Variants in NEGR1 observed in about 807,000 individuals in gnomAD.
NEGR1 encodes the protein neuronal growth regulator 1, also known as IgLON family member 4.
In NEGR1, 10 loss-of-function variants were observed where a neutral mutation model predicts 40.9. The observed-to-expected ratio is 0.24, with a 90% CI of 0.15 to 0.42. NEGR1 has a LOEUF of 0.42. Among genes scored for constraint, NEGR1 ranks in the 10% least tolerant of loss-of-function variants. NEGR1 has a pLI of 1.00. For missense variants in NEGR1, 352 were observed against 438.9 expected, an observed-to-expected ratio of 0.80 and a Z score of 1.77; for synonymous variants, 185 against 166.8, an observed-to-expected ratio of 1.11 and a Z score of -0.84.
intron 2 of NEGR1, among the ~76,000 whole-genome samples, chr1:71,845,428 T>C (rs781269824): frequency 5.9e-5 from 9 of 152,116 alleles, no homozygotes; most frequent in Admixed American, 2.6e-4. Flanking sequence ...AAGTCCCACA[T>C]AATGGACTCC....
At chr1:71,637,675 A>G (rs1327708108) in intron 4 of NEGR1, among the ~76,000 whole-genome samples, 2 of 151,954 alleles carry the variant, frequency 1.3e-5, no homozygotes, top group African/African-American at 2.4e-5. Context: ...TATACTATGT[A>G]TATATTTCTC....
chr1:72,195,985 A>C (rs1456069426), intron 1 of NEGR1, among the ~76,000 whole-genome samples: 1 of 151,878 alleles, frequency 6.6e-6, no homozygotes, highest in Non-Finnish European at 1.5e-5. Flanking sequence ...CCTCAGGTTC[A>C]CTCACTCCCT....
At chr1:72,096,646 AC>A (rs978156643) in intron 1 of NEGR1, among the ~76,000 whole-genome samples, 1 of 137,914 alleles carries the variant, frequency 7.3e-6, no homozygotes, top group Non-Finnish European at 1.6e-5. Flanking sequence ...TGTATCTTTT[AC>A]TTTTATTTTA....
At position 72,200,251 on chromosome 1, in the gene NEGR1, G is replaced by A. The variant is rs955933412; in HGVS notation, c.176+82068C>T. On this transcript the variant is annotated intron_variant, in intron 1 of 6. Transcript: ENST00000357731. ...TCACAGTGCTATTCACAATATCAAA[G>A]TCATAGAATCAACCTAGGTGCCCAT... Among the ~76,000 whole-genome samples the A allele has an allele frequency of 2.6e-5, 4 of 151,930 alleles. No individual in the cohort carries two copies. In the South Asian group the frequency reaches 8.3e-4, roughly 31 times the overall value.
chr1:71,945,117 G>A (rs556394087), intron 1 of NEGR1, among the ~76,000 whole-genome samples: 2 of 152,176 alleles, frequency 1.3e-5, no homozygotes, highest in Admixed American at 1.3e-4. Flanking sequence ...AACAAACTGT[G>A]TAGTGTAATT....
intron 1 of NEGR1, among the ~76,000 whole-genome samples, chr1:71,996,190 T>A (rs1328691733): frequency 6.6e-6 from 1 of 152,146 alleles, no homozygotes; most frequent in Non-Finnish European, 1.5e-5. Flanking sequence ...TATGGATGTA[T>A]GTAAAAATCA....
intron 1 of NEGR1, among the ~76,000 whole-genome samples, chr1:71,992,363 G>T (rs1317291324): frequency 6.6e-6 from 1 of 151,910 alleles, no homozygotes; most frequent in Non-Finnish European, 1.5e-5. Context: ...ATATTTGAAG[G>T]ACTCAGTACT....
At chr1:71,476,240 C>T (rs1308494989) in intron 6 of NEGR1, among the ~76,000 whole-genome samples, 2 of 152,034 alleles carry the variant, frequency 1.3e-5, no homozygotes, top group Non-Finnish European at 2.9e-5. Context: ...AATTTGAAGA[C>T]CCCACTGAAG....
chr1:71,777,475 A>G (rs536088961), intron 2 of NEGR1, among the ~76,000 whole-genome samples: 3 of 152,104 alleles, frequency 2.0e-5, no homozygotes, highest in Non-Finnish European at 4.4e-5. Flanking sequence ...TGTAGAGGGT[A>G]TGACTGACCT....
chr1:71,929,089 G>A (rs1645829893), intron 2 of NEGR1, among the ~76,000 whole-genome samples: 1 of 151,968 alleles, frequency 6.6e-6, no homozygotes, highest in African/African-American at 2.4e-5. Context: ...CTTACAAGCA[G>A]ATAACAGGTA....
At chr1:71,590,611 CA>C in intron 6 of NEGR1, among the ~76,000 whole-genome samples, 2 of 152,150 alleles carry the variant, frequency 1.3e-5, no homozygotes, top group South Asian at 4.2e-4. Context: ...CATTTGGCTT[CA>C]GCCACATTTA....
At chr1:71,691,977 T>C (rs1299197003) in intron 4 of NEGR1, among the ~76,000 whole-genome samples, 1 of 151,524 alleles carries the variant, frequency 6.6e-6, no homozygotes, top group Non-Finnish European at 1.5e-5. Flanking sequence ...CAAGGTTGAG[T>C]TTGGTGTATA....
At chr1:71,704,269 A>G (rs988653796) in intron 3 of NEGR1, among the ~76,000 whole-genome samples, 1 of 152,000 alleles carries the variant, frequency 6.6e-6, no homozygotes, top group African/African-American at 2.4e-5. Context: ...AATAAAAGCT[A>G]AAGTAAACAG....
At chr1:71,968,191 A>G (rs1274718913) in intron 1 of NEGR1, among the ~76,000 whole-genome samples, 1 of 152,170 alleles carries the variant, frequency 6.6e-6, no homozygotes, top group Non-Finnish European at 1.5e-5. Context: ...AAAATGTGCA[A>G]ATTGCACTGG....
chr1:72,184,703 G>A (rs1652550120), intron 1 of NEGR1, among the ~76,000 whole-genome samples: 1 of 152,018 alleles, frequency 6.6e-6, no homozygotes, highest in Non-Finnish European at 1.5e-5. Flanking sequence ...ATGTTTGGTT[G>A]ATACTTATGA....
chr1:71,513,485 C>T (rs1440768463), intron 6 of NEGR1, among the ~76,000 whole-genome samples: 4 of 152,108 alleles, frequency 2.6e-5, no homozygotes, highest in African/African-American at 2.4e-5. Context: ...CATGCCATTT[C>T]CTAAACGTAT....
chr1:71,758,917 G>C (rs76500410), intron 3 of NEGR1, among the ~76,000 whole-genome samples: 12 of 152,216 alleles, frequency 7.9e-5, no homozygotes, highest in Non-Finnish European at 1.5e-4. Flanking sequence ...TTATGGGTGA[G>C]AGCAATCAAA....
intron 1 of NEGR1, among the ~76,000 whole-genome samples, chr1:72,256,491 G>T (rs976835534): frequency 2.0e-5 from 3 of 152,122 alleles, no homozygotes; most frequent in African/African-American, 7.2e-5. Context: ...TGATGAGGTG[G>T]TAGAAAATAC....
intron 1 of NEGR1, among the ~76,000 whole-genome samples, chr1:72,125,281 T>C (rs72682716): frequency 0.14 from 21,632 of 152,040 alleles, 1,821 homozygotes; most frequent in Non-Finnish European, 0.19. Context: ...AAAGGCTACA[T>C]GGGCACATGT....
Sources: allele counts gnomAD v4.1 joint callset (sites outside exome capture counted in the v4.1 genomes callset), GRCh38; gene constraint gnomAD v4.1.1; transcripts MANE v1.5; gene names NCBI Gene and HGNC (gene_info 2026-07-23, HGNC 2026-07-21).